Variants in NF1 observed in about 807,000 individuals in gnomAD.
NF1 encodes the protein neurofibromin 1, also known as neurofibromin.
A neutral mutation model predicts 325.7 loss-of-function variants in NF1; 122 were observed. That is an observed-to-expected ratio of 0.37 (90% CI 0.32 to 0.44). The LOEUF is 0.44. Ranked by LOEUF, NF1 falls within the 20% of genes least tolerant of loss-of-function variation. The pLI is 1.00. For synonymous variants in NF1, 1,091 were observed against 1,186.0 expected, an observed-to-expected ratio of 0.92 and a Z score of 1.65; for missense variants, 2,140 against 3,415.4, an observed-to-expected ratio of 0.63 and a Z score of 9.31.
intron 1 of NF1, among the ~76,000 whole-genome samples, chr17:31,099,505 G>C (rs774112208): frequency 9.2e-5 from 14 of 151,422 alleles, no homozygotes; most frequent in African/African-American, 3.4e-4. Flanking sequence ...ACCTGCCTTC[G>C]TGGTGCCAAA....
chr17:31,106,339 T>C (rs913304650), intron 1 of NF1, among the ~76,000 whole-genome samples: 1 of 152,208 alleles, frequency 6.6e-6, no homozygotes, highest in African/African-American at 2.4e-5. Context: ...CATAAAAATG[T>C]ATTAGCATCT....
At chr17:31,276,465 A>G (rs2068012052) in intron 36 of NF1, among the ~76,000 whole-genome samples, 2 of 152,192 alleles carry the variant, frequency 1.3e-5, no homozygotes, top group Admixed American at 6.5e-5. Context: ...ATGCACATTC[A>G]TAATCCCTTG....
In NF1 at chr17:31,337,816, T is replaced by C. The variant is rs1326745383; in HGVS notation, c.6643-3T>C. 6.2e-7 allele frequency: 1 copy of C among 1,613,650 alleles called. No homozygotes were observed. Among genetic ancestry groups the C allele is most frequent in the East Asian group, 2.2e-5 (1 of 44,878 alleles). On this transcript the variant is annotated splice_region_variant and splice_polypyrimidine_tract_variant and intron_variant, in intron 43 of 57. Transcript: ENST00000358273. The stretch of plus-strand genomic sequence containing the variant: ...TATGTATTCAGAGTATCCCCTTTTT[T>C]AGGCATGCATGAGAGATATTCCAAC...
chr17:31,358,370 C>T (rs910242739), intron 54 of NF1, 110 bp from the exon 55 acceptor site: 8 of 1,125,444 alleles, frequency 7.1e-6, no homozygotes, highest in Non-Finnish European at 9.1e-6. Flanking sequence ...CACTCATCTC[C>T]CTTTAATTTT....
rs1405312220 is a variant in NF1 at position 31,358,601 on chromosome 17, T to C, written c.8092T>C (p.Tyr2698His). The change falls in exon 55 of 58, where the codon TAC (tyrosine) becomes CAC (histidine). Residue 2698 changes from tyrosine (Y) to histidine (H), a missense_variant. Tyr to His is a moderately conservative substitution (Grantham distance 83). This residue lies in a region of NF1 where 522 missense variants were observed against 749.0 expected (regional missense o/e 0.70). Transcript: ENST00000358273. ...VVYHEESPPQ[Y>H]QTSYLQSFGF... ...GTACCATGAAGAATCCCCACCACAA[T>C]ACCAAACATCTTACCTGCAAAGTAA... 1.9e-6 allele frequency: 3 copies of C among 1,613,990 alleles called. No individual in the cohort carries two copies.
At chr17:31,361,429 T>A (rs1347974238) in intron 57 of NF1, 1 of 152,278 alleles carries the variant, frequency 6.6e-6, no homozygotes, top group East Asian at 1.9e-4. Context: ...CAACTCTGGT[T>A]GACCCTGGAG....
At chr17:31,151,355 C>G (rs1461003286) in intron 1 of NF1, among the ~76,000 whole-genome samples, 19 of 152,066 alleles carry the variant, frequency 1.2e-4, no homozygotes, top group Admixed American at 1.1e-3. Context: ...CAGAACATAC[C>G]CCATCACTAA....
chr17:31,374,280 C>A lies in NF1; in HGVS notation c.*125C>A. 7.7e-7 allele frequency: 1 copy of A among 1,294,064 alleles called. No homozygotes were observed. The highest frequency in any genetic ancestry group is 1.5e-5 in the African/African-American group (1 of 68,282). The allele number at this position is 1,294,064 out of a possible 1,614,324, so 80.2% of individuals were successfully genotyped here. A position where few individuals can be genotyped will look rare whatever the true frequency, so the allele number is the denominator to read the frequency against. On this transcript the variant is annotated 3_prime_UTR_variant, in exon 58 of 58. Transcript: ENST00000358273. ...CTTCCTGTTTTATAATGAACCCATCCGGTTTGCCATGTTGCCAGATGATCA... is the reference window on the plus strand; with the variant it reads ...CTTCCTGTTTTATAATGAACCCATCAGGTTTGCCATGTTGCCAGATGATCA...
chr17:31,227,089 G>A (rs1324885028), intron 18 of NF1, 129 bp from the exon 19 acceptor site: 1 of 940,824 alleles, frequency 1.1e-6, no homozygotes, highest in African/African-American at 1.6e-5. Flanking sequence ...GTGAAAGGAA[G>A]TTTTTGGCTT....
chr17:31,223,609 A>T, intron 16 of NF1, 42 bp downstream of exon 16: 7 of 1,583,962 alleles, frequency 4.4e-6, no homozygotes, highest in Non-Finnish European at 6.1e-6. Flanking sequence ...GAATATTTGG[A>T]ATGGTAATGG....
chr17:31,263,120 T>TAGATA (rs71142039), intron 35 of NF1, among the ~76,000 whole-genome samples: 4,090 of 95,676 alleles, frequency 0.043, 212 homozygotes, highest in African/African-American at 0.1. Context: ...GATAGATAGA[T>TAGATA]AGATAAGATA....
At chr17:31,194,620 T>G (rs569234139) in intron 8 of NF1, among the ~76,000 whole-genome samples, 1 of 152,156 alleles carries the variant, frequency 6.6e-6, no homozygotes, top group Non-Finnish European at 1.5e-5. Flanking sequence ...ATGAAAATGT[T>G]ACTATGTTCT....
intron 12 of NF1, among the ~76,000 whole-genome samples, chr17:31,210,477 C>A (rs1372595768): frequency 6.6e-6 from 1 of 152,020 alleles, no homozygotes; most frequent in Non-Finnish European, 1.5e-5. Flanking sequence ...TATAGCTACT[C>A]AGGAGGCTGA....
At chr17:31,246,195 G>A (rs974194710) in intron 29 of NF1, among the ~76,000 whole-genome samples, 2 of 152,192 alleles carry the variant, frequency 1.3e-5, no homozygotes, top group African/African-American at 4.8e-5. Flanking sequence ...TACTAAGATG[G>A]CAGATAGTAG....
chr17:31,361,541 T>G (rs1013483040), intron 57 of NF1: 1 of 152,232 alleles, frequency 6.6e-6, no homozygotes, highest in African/African-American at 2.4e-5. Context: ...TAGAAAGATA[T>G]TCTTCTAAAA....
At chr17:31,139,965 T>C (rs912350084) in intron 1 of NF1, among the ~76,000 whole-genome samples, 8 of 152,212 alleles carry the variant, frequency 5.3e-5, no homozygotes, top group Admixed American at 5.2e-4. Context: ...AGAAGCATAC[T>C]GCCCTAAGCA....
chr17:31,186,059 T>C (rs964269574), intron 8 of NF1, among the ~76,000 whole-genome samples: 1 of 152,112 alleles, frequency 6.6e-6, no homozygotes, highest in Non-Finnish European at 1.5e-5. Context: ...ATGAACTGGG[T>C]GTGTTCTGAC....
intron 36 of NF1, chr17:31,304,290 C>G: frequency 6.2e-7 from 1 of 1,611,970 alleles, no homozygotes; most frequent in East Asian, 2.2e-5. Context: ...GTGGAGGTGG[C>G]AGGGATTCAT....
intron 36 of NF1, among the ~76,000 whole-genome samples, chr17:31,302,500 T>C (rs2068596925): frequency 2.0e-5 from 3 of 152,072 alleles, no homozygotes; most frequent in Admixed American, 6.5e-5. Flanking sequence ...AAAAGAATAA[T>C]AGGAAATTCT....
Sources: allele counts gnomAD v4.1 joint callset (sites outside exome capture counted in the v4.1 genomes callset), GRCh38; gene constraint gnomAD v4.1.1; regional missense constraint gnomAD v4.1.1; transcripts MANE v1.5; gene names NCBI Gene and HGNC (gene_info 2026-07-23, HGNC 2026-07-21).